SLC22A12: variants seen among roughly 807,000 people sequenced by gnomAD.
The protein encoded by SLC22A12 is organic anion transporter 4-like protein.
SLC22A12 carries 56 observed loss-of-function variants against 52.7 expected under a neutral mutation model. That is an observed-to-expected ratio of 1.06 (90% CI 0.86 to 1.33). SLC22A12 has a LOEUF of 1.33. SLC22A12 is among the 40% of genes most tolerant of loss of function. SLC22A12 has a pLI of 0.00. For missense variants in SLC22A12, 683 were observed against 741.5 expected (o/e 0.92, Z 0.92); for synonymous variants, 337 against 324.6 (o/e 1.04, Z -0.41).
At position 64,600,571 on chromosome 11, in the gene SLC22A12, T is replaced by C. The variant is rs568688784; in HGVS notation, c.1394+96T>C. ...GGCTTCTCCCAGACCTAGATGTTCATGTCATGCATCTCCCTCTTGTGTGGT... is the reference window on the plus strand; with the variant it reads ...GGCTTCTCCCAGACCTAGATGTTCACGTCATGCATCTCCCTCTTGTGTGGT... On this transcript the variant is annotated intron_variant, in intron 8 of 9. Coordinates refer to ENST00000377574, the MANE Select transcript of SLC22A12 (RefSeq NM_144585.4). The C allele has an allele frequency of 2.4e-5, 33 of 1,350,298 alleles. 1 individual carries two copies. In the South Asian group the frequency reaches 4.2e-4, roughly 17 times the overall value. The allele number at this position is 1,350,298 out of a possible 1,614,324, so 83.6% of individuals were successfully genotyped here. A position where few individuals can be genotyped will look rare whatever the true frequency, so the allele number is the denominator to read the frequency against.
chr11:64,596,101 G>GATGGA (rs2039203927), intron 4 of SLC22A12, among the ~76,000 whole-genome samples: 1 of 152,074 alleles, frequency 6.6e-6, no homozygotes, highest in Non-Finnish European at 1.5e-5. Context: ...TGGATGGATG[G>GATGGA]ATGGAATGGA....
rs761993028 is a variant in SLC22A12, at chr11:64,598,797, C to T, written c.955-11C>T. The T allele has an allele frequency of 4.0e-5, 64 of 1,612,126 alleles. No homozygotes were observed. Among genetic ancestry groups the T allele is most frequent in the Middle Eastern group, 1.6e-4 (1 of 6,078 alleles). ...CCCCAGTGCCAACAGCACCCACCCC[C>T]GCCTCCACAGGTCTTGCTTTCAGCC... On this transcript the variant is annotated splice_polypyrimidine_tract_variant and intron_variant, in intron 5 of 9. Coordinates refer to ENST00000377574, the MANE Select transcript of SLC22A12 (RefSeq NM_144585.4).
intron 2 of SLC22A12, 79 bp downstream of exon 2, chr11:64,592,961 A>C: frequency 7.5e-7 from 1 of 1,338,176 alleles, no homozygotes; most frequent in African/African-American, 1.4e-5. Context: ...ACTGGCCCCA[A>C]ACCAGCCTCA....
rs887630821 is a variant in SLC22A12 at position 64,591,899 on chromosome 11, C to T, written c.343C>T (p.Pro115Ser). The change falls in exon 1 of 10, where the codon CCG becomes TCG. Residue 115 changes from proline to serine, a missense_variant. Pro to Ser is a moderately conservative substitution (Grantham distance 74). Transcript: ENST00000377574. The stretch of plus-strand genomic sequence containing the variant: ...CAGCTGGAGCGAGGCCGACACGGAG[C>T]CGTGTGTGGATGGCTGGGTCTATGA... The part of the protein sequence containing the change: ...ATSWSEADTE[P>S]CVDGWVYDRS... The T allele has an allele frequency of 4.3e-6, 7 of 1,612,542 alleles. No individual in the cohort carries two copies. The highest frequency in any genetic ancestry group is 2.2e-5 in the East Asian group (1 of 44,894).
intron 4 of SLC22A12, among the ~76,000 whole-genome samples, chr11:64,596,307 A>G (rs1414341912): frequency 3.6e-4 from 3 of 8,276 alleles, no homozygotes; most frequent in Admixed American, 2.0e-3. Flanking sequence ...TGGATGGTTG[A>G]ATGGATGGTT....
chr11:64,596,439 C>CTGGA (rs1303621460), intron 4 of SLC22A12, among the ~76,000 whole-genome samples: 1 of 151,736 alleles, frequency 6.6e-6, no homozygotes. Context: ...ATTGGATGAA[C>CTGGA]TGGATGGATG....
intron 2 of SLC22A12, 109 bp downstream of exon 2, chr11:64,592,991 C>A (rs568740546): frequency 2.0e-6 from 2 of 1,017,056 alleles, no homozygotes; most frequent in Non-Finnish European, 1.5e-6. Context: ...GTCTAGAAAG[C>A]GCCCTACTTG....
At chr11:64,597,451 A>C (rs180889818) in intron 4 of SLC22A12, among the ~76,000 whole-genome samples, 1 of 151,984 alleles carries the variant, frequency 6.6e-6, no homozygotes, top group Non-Finnish European at 1.5e-5. Flanking sequence ...CTCCTCCCCA[A>C]GTCTTCCCCA....
At chr11:64,595,578 TGGAATGGAAGGAG>T (rs2135454050) in intron 4 of SLC22A12, among the ~76,000 whole-genome samples, 1 of 132,510 alleles carries the variant, frequency 7.5e-6, no homozygotes, top group African/African-American at 2.9e-5. Context: ...GATGGATGGA[TGGAATGGAAGGAG>T]GGATGGATGG....
Position 64,601,653 on chromosome 11 carries a change from A to G in SLC22A12, c.*102A>G. 1 of 1,360,492 alleles carries G rather than the reference A, an allele frequency of 7.4e-7. No homozygotes were observed. 84.3% of individuals were successfully genotyped at this position (1,360,492 alleles called of 1,614,324 possible). A position where few individuals can be genotyped will look rare whatever the true frequency, so the allele number is the denominator to read the frequency against. On this transcript the variant is annotated 3_prime_UTR_variant, in exon 10 of 10. Coordinates refer to ENST00000377574, the MANE Select transcript of SLC22A12 (RefSeq NM_144585.4). The stretch of plus-strand genomic sequence containing the variant: ...AAGACCTCCATTTCCAGAGGCCCAG[A>G]GGCTGCCCTCTGAGGTCCCCACTCT...
chr11:64,595,637 G>A (rs1038439591), intron 4 of SLC22A12, among the ~76,000 whole-genome samples: 1 of 149,494 alleles, frequency 6.7e-6, no homozygotes, highest in African/African-American at 2.5e-5. Context: ...TGGATGGATG[G>A]TTGAATGGGT....
At chr11:64,596,263 G>GA (rs140977274) in intron 4 of SLC22A12, among the ~76,000 whole-genome samples, 261 of 6,800 alleles carry the variant, frequency 0.038, 7 homozygotes, top group African/African-American at 0.083. Context: ...TGGATGGATG[G>GA]ATGGATGGAT....
At chr11:64,593,891 C>T (rs953251841) in intron 4 of SLC22A12, 88 bp downstream of exon 4, 6 of 1,526,834 alleles carry the variant, frequency 3.9e-6, no homozygotes, top group East Asian at 2.4e-5. Flanking sequence ...TCCCTGGGGG[C>T]TGGGGAGTGC....
chr11:64,591,867 C>T lies in SLC22A12; in HGVS notation c.311C>T (p.Thr104Met), dbSNP rs1384341957. 2 of 1,612,408 alleles carry T rather than the reference C, an allele frequency of 1.2e-6. No individual in the cohort carries two copies. Among genetic ancestry groups the T allele is most frequent in the Non-Finnish European group, 1.7e-6 (2 of 1,180,026 alleles). Residue 104 changes from threonine to methionine, a missense_variant, in exon 1 of 10, where the codon ACG becomes ATG. By Grantham distance (81) the Thr-to-Met change is moderately conservative (BLOSUM62 -1). Transcript: ENST00000377574. ...PQWQLLDPNA[T>M]ATSWSEADTE... ...TGGCAGCTCTTGGACCCCAATGCCA[C>T]GGCCACCAGCTGGAGCGAGGCCGAC...
chr11:64,598,813 G>A lies in SLC22A12; in HGVS notation c.960G>A (p.Leu320=), dbSNP rs527341224. ...ACCCACCCCCGCCTCCACAGGTCTT[G>A]CTTTCAGCCATGCGGGAGGAGCTGA... is the stretch of plus-strand genomic sequence containing the variant. ...AVQDTLTPEV[L]LSAMREELSM... is the part of the protein sequence containing the mutation. Residue 320 remains leucine, a synonymous_variant, in exon 6 of 10, where the codon TTG becomes TTA. Coordinates refer to ENST00000377574, the MANE Select transcript of SLC22A12 (RefSeq NM_144585.4). The A allele has an allele frequency of 8.1e-6, 13 of 1,612,470 alleles. No individual in the cohort carries two copies. The South Asian group carries it at 1.3e-4, about 16-fold the overall frequency.
intron 2 of SLC22A12, 114 bp downstream of exon 2, chr11:64,592,996 T>C (rs978928454): frequency 1.0e-5 from 10 of 971,120 alleles, no homozygotes; most frequent in Non-Finnish European, 1.6e-5. Flanking sequence ...GAAAGCGCCC[T>C]ACTTGCTGGG....
Position 64,591,704 on chromosome 11 carries a change from TG to T in SLC22A12, c.151del (p.Ala51HisfsTer14), listed in dbSNP as rs752156476. 5.0e-6 allele frequency: 8 copies of T among 1,612,424 alleles called. No homozygotes were observed. The East Asian group carries it at 1.8e-4, about 36-fold the overall frequency. On this transcript the variant is annotated frameshift_variant, in exon 1 of 10. Transcript: ENST00000377574. LOFTEE classifies it high-confidence loss of function. ...GGCCGCCGTGCCCAGCCACCGCTGCTGGGCACCCCTCCTGGACAACAGCACG... is the reference window on the plus strand; with the variant it reads ...GGCCGCCGTGCCCAGCCACCGCTGCTGGCACCCCTCCTGGACAACAGCACG... Reference protein sequence around the residue: ...FSAAVPSHRCWAPLLDNSTAQ... With the variant: ...FSAAVPSHRCXAPLLDNSTAQ...
intron 5 of SLC22A12, 73 bp from the exon 6 acceptor site, chr11:64,598,735 G>C (rs2039337165): frequency 6.2e-7 from 1 of 1,606,316 alleles, no homozygotes; most frequent in Admixed American, 1.7e-5. Context: ...TCAGCTCCCT[G>C]GGAAGAAGGT....
rs199992707 is a variant in SLC22A12 at position 64,598,580 on chromosome 11, C to T, written c.895C>T (p.Leu299=). The stretch of plus-strand genomic sequence containing the variant: ...CAGGCTGGATTGGGGCCTGCAGGAG[C>T]TGTGGAGGGTGGCTGCCATCAACGG... ...TGRLDWGLQE[L]WRVAAINGKG... is the part of the protein sequence containing the mutation. Residue 299 remains leucine, a synonymous_variant, in exon 5 of 10, where the codon CTG becomes TTG. Coordinates refer to ENST00000377574, the MANE Select transcript of SLC22A12 (RefSeq NM_144585.4). 6.2e-7 allele frequency: 1 copy of T among 1,608,184 alleles called. No individual in the cohort carries two copies. Among genetic ancestry groups the T allele is most frequent in the East Asian group, 2.2e-5 (1 of 44,604 alleles).
Sources: allele counts gnomAD v4.1 joint callset (sites outside exome capture counted in the v4.1 genomes callset), GRCh38; gene constraint gnomAD v4.1.1; transcripts MANE v1.5; gene names NCBI Gene and HGNC (gene_info 2026-07-23, HGNC 2026-07-21).